L2HGDH: variants seen among roughly 807,000 people sequenced by gnomAD.
The protein encoded by L2HGDH is L-2-hydroxyglutarate dehydrogenase, mitochondrial.
Under a neutral mutation model 51.5 loss-of-function variants are expected in L2HGDH, and 34 were observed. That is an observed-to-expected ratio of 0.66 (90% CI 0.50 to 0.88). The LOEUF is 0.88. L2HGDH is among the 40% of genes least tolerant of loss of function. The pLI, the probability that L2HGDH is intolerant of heterozygous loss-of-function variation, is 0.00. For synonymous variants in L2HGDH, 198 were observed against 197.9 expected (o/e 1.00, Z -0.01); for missense variants, 558 against 571.9 (o/e 0.98, Z 0.25).
In L2HGDH at chr14:50,312,211, A is replaced by C; in HGVS notation, c.-61T>G. The C allele has an allele frequency of 4.4e-6, 7 of 1,591,384 alleles. No individual in the cohort carries two copies. In the South Asian group the frequency reaches 7.9e-5, roughly 18 times the overall value. The stretch of plus-strand genomic sequence containing the variant: ...GAAGCCACTTGACCCTCCACGGCCG[A>C]GGACCCGCGCTCTTTAGCCCCGCCC... On this transcript the variant is annotated 5_prime_UTR_variant, in exon 1 of 10. Coordinates refer to ENST00000267436, the MANE Select transcript of L2HGDH (RefSeq NM_024884.3).
At chr14:50,255,346 C>A (rs1368562296) in intron 9 of L2HGDH, among the ~76,000 whole-genome samples, 1 of 151,758 alleles carries the variant, frequency 6.6e-6, no homozygotes, top group Non-Finnish European at 1.5e-5. Context: ...ATCAGCCTGG[C>A]AAATATGGCA....
intron 4 of L2HGDH, among the ~76,000 whole-genome samples, chr14:50,293,441 T>C (rs529735904): frequency 6.6e-6 from 1 of 152,226 alleles, no homozygotes; most frequent in East Asian, 1.9e-4. Flanking sequence ...AAAGATTTCT[T>C]TTTTTTTCTA....
chr14:50,297,956 C>T (rs890973122), intron 3 of L2HGDH, among the ~76,000 whole-genome samples: 1 of 151,148 alleles, frequency 6.6e-6, no homozygotes, highest in Non-Finnish European at 1.5e-5. Context: ...CCAAAACGAA[C>T]AACAACAACA....
At position 50,288,851 on chromosome 14, in the gene L2HGDH, A is replaced by C. The variant is rs115544029; in HGVS notation, c.541-4818T>G. 9.4e-3 allele frequency among the ~76,000 whole-genome samples: 1,432 copies of C among 152,340 alleles called. 32 individuals carry two copies. Among genetic ancestry groups the C allele is most frequent in the African/African-American group, 0.033 (1,363 of 41,586 alleles). On this transcript the variant is annotated intron_variant, in intron 4 of 9. Coordinates refer to ENST00000267436, the MANE Select transcript of L2HGDH (RefSeq NM_024884.3). Reference sequence around the variant, plus strand: ...CAACCTCCTCTGGTCAGCTCATCAGAGTGCCTTTTCTAAATCTTTGAATGA... The same window carrying C: ...CAACCTCCTCTGGTCAGCTCATCAGCGTGCCTTTTCTAAATCTTTGAATGA...
In L2HGDH at chr14:50,289,399, T is replaced by A. The variant is rs1194426353; in HGVS notation, c.540+4716A>T. 2.6e-5 allele frequency among the ~76,000 whole-genome samples: 4 copies of A among 151,930 alleles called. No homozygotes were observed. The East Asian group carries it at 7.7e-4, about 29-fold the overall frequency. On this transcript the variant is annotated intron_variant, in intron 4 of 9. Transcript: ENST00000267436. Reference sequence around the variant, plus strand: ...AATATTCTTAATTATCTTAACAGGGTAATCTATTATCCTGTTTCTTATCTA... The same window carrying A: ...AATATTCTTAATTATCTTAACAGGGAAATCTATTATCCTGTTTCTTATCTA...
At chr14:50,307,720 A>G (rs1263480137) in intron 1 of L2HGDH, among the ~76,000 whole-genome samples, 1 of 152,198 alleles carries the variant, frequency 6.6e-6, no homozygotes, top group Non-Finnish European at 1.5e-5. Flanking sequence ...GTATTATATT[A>G]TTTTGATGCA....
chr14:50,251,099 T>TGAAGAAACTC (rs1306168294), intron 9 of L2HGDH, among the ~76,000 whole-genome samples: 2 of 152,170 alleles, frequency 1.3e-5, no homozygotes, highest in Admixed American at 1.3e-4. Flanking sequence ...ATAGCTGTTT[T>TGAAGAAACTC]GAAGAAACTC....
At chr14:50,267,149 A>T (rs544012105) in intron 8 of L2HGDH, among the ~76,000 whole-genome samples, 62 of 31,896 alleles carry the variant, frequency 1.9e-3, no homozygotes, top group Admixed American at 2.2e-3. Context: ...TTTTATTTTT[A>T]TTTATTTATT....
At chr14:50,293,406 A>C (rs2029873568) in intron 4 of L2HGDH, 2 of 592,230 alleles carry the variant, frequency 3.4e-6, no homozygotes, top group Non-Finnish European at 6.0e-6. Flanking sequence ...AACACATAGA[A>C]TATCTTCTAG....
chr14:50,268,381 G>GA (rs769880130), intron 7 of L2HGDH, among the ~76,000 whole-genome samples: 4,057 of 67,626 alleles, frequency 0.06, 176 homozygotes, highest in African/African-American at 0.15. Flanking sequence ...TCTGTCTCAG[G>GA]AAAAAAAAAA....
chr14:50,279,645 G>A (rs1365615394), intron 5 of L2HGDH, among the ~76,000 whole-genome samples: 1 of 150,786 alleles, frequency 6.6e-6, no homozygotes, highest in Admixed American at 6.6e-5. Flanking sequence ...TTCAAGACAA[G>A]CATGGACAAC....
chr14:50,253,541 C>T (rs901639470), intron 9 of L2HGDH, among the ~76,000 whole-genome samples: 1 of 151,998 alleles, frequency 6.6e-6, no homozygotes, highest in Non-Finnish European at 1.5e-5. Context: ...ATAACTAATG[C>T]TGGTGAAGAT....
chr14:50,273,019 A>C (rs1889786419), intron 6 of L2HGDH, among the ~76,000 whole-genome samples: 1 of 152,042 alleles, frequency 6.6e-6, no homozygotes, highest in South Asian at 2.1e-4. Context: ...CAGTGGGCAG[A>C]CCTCTGAACA....
At chr14:50,258,511 C>A (rs1388468251) in intron 9 of L2HGDH, among the ~76,000 whole-genome samples, 1 of 151,658 alleles carries the variant, frequency 6.6e-6, no homozygotes, top group Non-Finnish European at 1.5e-5. Context: ...GTGTCAGCCA[C>A]CACGCCCAGT....
chr14:50,284,887 G>T (rs1015716290), intron 4 of L2HGDH, among the ~76,000 whole-genome samples: 9 of 152,176 alleles, frequency 5.9e-5, no homozygotes, highest in African/African-American at 2.2e-4. Flanking sequence ...CTATTGTAAA[G>T]ATCTCACTCT....
intron 6 of L2HGDH, among the ~76,000 whole-genome samples, chr14:50,270,047 C>T (rs1376513165): frequency 6.6e-6 from 1 of 152,134 alleles, no homozygotes; most frequent in African/African-American, 2.4e-5. Flanking sequence ...ATAATCCTGC[C>T]CAGTTGCAAC....
chr14:50,251,456 T>C (rs1888346244), intron 9 of L2HGDH, among the ~76,000 whole-genome samples: 1 of 152,074 alleles, frequency 6.6e-6, no homozygotes, highest in African/African-American at 2.4e-5. Flanking sequence ...AAATAGTTTA[T>C]TCAAAGGGAT....
In L2HGDH at chr14:50,303,030, G is replaced by C. The variant is rs545863083; in HGVS notation, c.141-13C>G. ...TATATCAAATGAGCTTCAAAAGAAAGTCATCTTTAAAGTAATTCATATTTA... is the reference window on the plus strand; with the variant it reads ...TATATCAAATGAGCTTCAAAAGAAACTCATCTTTAAAGTAATTCATATTTA... On this transcript the variant is annotated splice_polypyrimidine_tract_variant and intron_variant, in intron 1 of 9. Coordinates refer to ENST00000267436, the MANE Select transcript of L2HGDH (RefSeq NM_024884.3). The C allele has an allele frequency of 9.8e-6, 15 of 1,529,622 alleles. No individual in the cohort carries two copies. In the South Asian group the frequency reaches 1.7e-4, roughly 17 times the overall value. 94.8% of individuals were successfully genotyped at this position (1,529,622 alleles called of 1,614,324 possible).
At chr14:50,271,872 G>A (rs1889711650) in intron 6 of L2HGDH, among the ~76,000 whole-genome samples, 1 of 152,180 alleles carries the variant, frequency 6.6e-6, no homozygotes, top group African/African-American at 2.4e-5. Flanking sequence ...CAGGCGCAGT[G>A]GCTCACACCT....
Sources: allele counts gnomAD v4.1 joint callset (sites outside exome capture counted in the v4.1 genomes callset), GRCh38; gene constraint gnomAD v4.1.1; transcripts MANE v1.5; gene names NCBI Gene and HGNC (gene_info 2026-07-23, HGNC 2026-07-21).